The following DPY19L2 variants were observed in gnomAD, a reference collection of about 807,000 sequenced individuals.
The protein encoded by DPY19L2 is probable C-mannosyltransferase DPY19L2.
A neutral mutation model predicts 97.9 loss-of-function variants in DPY19L2; 34 were observed. That is an observed-to-expected ratio of 0.35 (90% CI 0.26 to 0.46). The LOEUF (loss-of-function observed/expected upper bound fraction) is 0.46, where lower values mean the gene tolerates loss of function less well. DPY19L2 is among the 20% of genes least tolerant of loss of function. DPY19L2 has a pLI of 1.00. For missense variants in DPY19L2, 623 were observed against 911.4 expected, an observed-to-expected ratio of 0.68 and a Z score of 4.07; for synonymous variants, 230 against 307.9, an observed-to-expected ratio of 0.75 and a Z score of 2.65.
chr12:63,633,024 G>A (rs570822260), intron 6 of DPY19L2, among the ~76,000 whole-genome samples: 1 of 152,252 alleles, frequency 6.6e-6, no homozygotes, highest in African/African-American at 2.4e-5. Flanking sequence ...GTAGAAAGCT[G>A]ACACTGGATC....
intron 12 of DPY19L2, among the ~76,000 whole-genome samples, chr12:63,602,260 A>T (rs1355567403): frequency 6.6e-6 from 1 of 152,064 alleles, no homozygotes; most frequent in Admixed American, 6.5e-5. Flanking sequence ...AGAAAAGGAG[A>T]ATACTATCAA....
At position 63,607,972 on chromosome 12, in the gene DPY19L2, G is replaced by C. The variant is rs200928150; in HGVS notation, c.1278+644C>G. Among the ~76,000 whole-genome samples the C allele has an allele frequency of 1.6e-4, 24 of 152,176 alleles. No individual in the cohort carries two copies. The East Asian group carries it at 3.1e-3, about 20-fold the overall frequency. ...TAATAGAAGAACATCACAGACCAGA[G>C]AAAAAGAATATTGTCTGTCTCCTGT... On this transcript the variant is annotated intron_variant, in intron 12 of 21. Coordinates refer to ENST00000324472, the MANE Select transcript of DPY19L2 (RefSeq NM_173812.5).
At chr12:63,664,447 A>C (rs1896085779) in intron 2 of DPY19L2, among the ~76,000 whole-genome samples, 1 of 152,090 alleles carries the variant, frequency 6.6e-6, no homozygotes, top group African/African-American at 2.4e-5. Context: ...GAGGCAGGTT[A>C]GTGTTTGTTT....
upstream of DPY19L2, chr12:63,668,692 A>G: frequency 2.7e-6 from 1 of 370,838 alleles, no homozygotes; most frequent in Non-Finnish European, 4.9e-6. Flanking sequence ...ACAGCCCCCC[A>G]CACCCTCCCC....
intron 6 of DPY19L2, among the ~76,000 whole-genome samples, chr12:63,630,306 T>C (rs1426418419): frequency 6.6e-6 from 1 of 152,136 alleles, no homozygotes; most frequent in African/African-American, 2.4e-5. Context: ...ATCAGTGTGC[T>C]GTATTCAGGA....
At position 63,569,300 on chromosome 12, in the gene DPY19L2, C is replaced by T. The variant is rs1194824313; in HGVS notation, c.2050G>A (p.Glu684Lys). 2 of 1,599,848 alleles carry T rather than the reference C, an allele frequency of 1.3e-6. No individual in the cohort carries two copies. The highest frequency in any genetic ancestry group is 1.7e-6 in the Non-Finnish European group (2 of 1,174,516). ...AACTCCAACAATTTATCTCTTACTTCTTTGGCAGATTTTCGACTATATGTA... is the reference window on the plus strand; with the variant it reads ...AACTCCAACAATTTATCTCTTACTTTTTTGGCAGATTTTCGACTATATGTA... ...YSTYSRKSAK[E>K]VRDKLLELHV... is the part of the protein sequence containing the mutation. Residue 684 changes from glutamate to lysine, a missense_variant, in exon 21 of 22, where the codon GAA (glutamate) becomes AAA (lysine). By Grantham distance (56) the Glu-to-Lys change is moderately conservative. Coordinates refer to ENST00000324472, the MANE Select transcript of DPY19L2 (RefSeq NM_173812.5).
chr12:63,615,188 C>G (rs1041056850), intron 11 of DPY19L2, among the ~76,000 whole-genome samples: 1 of 151,982 alleles, frequency 6.6e-6, no homozygotes, highest in Non-Finnish European at 1.5e-5. Context: ...CTAATGAAAC[C>G]TAAACACACA....
chr12:63,646,430 CT>C (rs1425271789), intron 5 of DPY19L2, among the ~76,000 whole-genome samples: 1 of 151,946 alleles, frequency 6.6e-6, no homozygotes, highest in African/African-American at 2.4e-5. Context: ...TCTATTTTTA[CT>C]GAGGGAATCA....
At chr12:63,597,727 C>A in intron 14 of DPY19L2, 82 bp downstream of exon 14, 10 of 1,299,152 alleles carry the variant, frequency 7.7e-6, no homozygotes, top group Non-Finnish European at 1.1e-5. Flanking sequence ...TGTTTCTGAG[C>A]AAAAATTTTG....
chr12:63,611,149 T>C (rs1210421778), intron 11 of DPY19L2, among the ~76,000 whole-genome samples: 1 of 151,812 alleles, frequency 6.6e-6, no homozygotes, highest in Non-Finnish European at 1.5e-5. Flanking sequence ...GGTGGGAATA[T>C]AAAATAGTGC....
Position 63,627,135 on chromosome 12 carries a change from A to G in DPY19L2, c.804-609T>C, listed in dbSNP as rs184928582. Among the ~76,000 whole-genome samples the G allele has an allele frequency of 2.0e-3, 310 of 152,224 alleles. 5 individuals carry two copies. Among genetic ancestry groups the G allele is most frequent in the African/African-American group, 7.2e-3 (297 of 41,534 alleles). On this transcript the variant is annotated intron_variant, in intron 6 of 21. Coordinates refer to ENST00000324472, the MANE Select transcript of DPY19L2 (RefSeq NM_173812.5). ...TTTAGAGTCTAGATCACATCCTTTGAATACTCTGAATAAAAGCAAATTTTT... is the reference window on the plus strand; with the variant it reads ...TTTAGAGTCTAGATCACATCCTTTGGATACTCTGAATAAAAGCAAATTTTT...
chr12:63,640,495 AAAG>A (rs1296136296), intron 6 of DPY19L2, among the ~76,000 whole-genome samples: 1 of 152,212 alleles, frequency 6.6e-6, no homozygotes, highest in Non-Finnish European at 1.5e-5. Context: ...TTAGCCACCA[AAAG>A]AATAGAAGCG....
chr12:63,632,406 T>C (rs1419574890), intron 6 of DPY19L2, among the ~76,000 whole-genome samples: 2 of 152,154 alleles, frequency 1.3e-5, no homozygotes, highest in South Asian at 4.2e-4. Context: ...TCACAACCAT[T>C]CCTATACACC....
rs568325644 is a variant in DPY19L2 at position 63,596,912 on chromosome 12, T to C, written c.1462-875A>G. ...TTTATCTGCAAATGAAAGAACTATA[T>C]GGCATGGTCTCTAAGAGCCCTTCCT... is the stretch of plus-strand genomic sequence containing the variant. On this transcript the variant is annotated intron_variant, in intron 14 of 21. Transcript: ENST00000324472. Among the ~76,000 whole-genome samples, 16 of 152,204 alleles carry C rather than the reference T, an allele frequency of 1.1e-4. No individual in the cohort carries two copies. In the East Asian group the frequency reaches 1.4e-3, roughly 13 times the overall value.
intron 4 of DPY19L2, among the ~76,000 whole-genome samples, chr12:63,654,573 T>C (rs1305113886): frequency 6.6e-6 from 1 of 152,038 alleles, no homozygotes; most frequent in Non-Finnish European, 1.5e-5. Flanking sequence ...TATCCAACCG[T>C]TTACAAGGAA....
chr12:63,577,817 A>T (rs1880129856), intron 19 of DPY19L2, among the ~76,000 whole-genome samples: 1 of 152,150 alleles, frequency 6.6e-6, no homozygotes, highest in Non-Finnish European at 1.5e-5. Context: ...GATGTGGAGA[A>T]AAGGGAACTC....
chr12:63,668,622 C>T, upstream of DPY19L2: 2 of 544,394 alleles, frequency 3.7e-6, no homozygotes, highest in East Asian at 6.4e-5. Flanking sequence ...CCAGCGCGAG[C>T]AGCACCCCCG....
chr12:63,634,377 C>G (rs1286932935), intron 6 of DPY19L2, among the ~76,000 whole-genome samples: 3 of 152,176 alleles, frequency 2.0e-5, no homozygotes, highest in Middle Eastern at 6.8e-3. Context: ...GCTCCCAGCA[C>G]GAGCGACACA....
intron 4 of DPY19L2, among the ~76,000 whole-genome samples, chr12:63,654,817 T>C (rs187817019): frequency 6.6e-6 from 1 of 152,202 alleles, no homozygotes; most frequent in Admixed American, 6.5e-5. Flanking sequence ...GTGCCAAACA[T>C]AGAGCTACAA....
Sources: allele counts gnomAD v4.1 joint callset (sites outside exome capture counted in the v4.1 genomes callset), GRCh38; gene constraint gnomAD v4.1.1; transcripts MANE v1.5; gene names NCBI Gene and HGNC (gene_info 2026-07-23, HGNC 2026-07-21).